WWOX: variants seen among roughly 807,000 people sequenced by gnomAD.
The protein encoded by WWOX is WW domain-containing oxidoreductase.
Under a neutral mutation model 46.2 loss-of-function variants are expected in WWOX, and 69 were observed. That is an observed-to-expected ratio of 1.49 (90% confidence interval 1.23 to 1.82). WWOX has a LOEUF of 1.82. WWOX is among the 40% of genes most tolerant of loss of function. The pLI, the probability that WWOX is intolerant of heterozygous loss-of-function variation, is 0.00. For synonymous variants in WWOX, 359 were observed against 202.6 expected (o/e 1.77, Z -6.56); for missense variants, 919 against 542.6 (o/e 1.69, Z -6.89).
intron 8 of WWOX, among the ~76,000 whole-genome samples, chr16:78,764,386 C>T (rs11643550): frequency 0.54 from 81,715 of 150,094 alleles, 25,526 homozygotes; most frequent in Non-Finnish European, 0.7. Flanking sequence ...TCCTCCAGGC[C>T]CACTTGGAGG....
intron 5 of WWOX, chr16:78,355,630 C>T (rs879036288): frequency 9.9e-5 from 59 of 597,408 alleles, no homozygotes; most frequent in Middle Eastern, 3.1e-4. Flanking sequence ...AAATGAGAAA[C>T]GACCGAGAGC....
intron 5 of WWOX, among the ~76,000 whole-genome samples, chr16:78,356,847 A>C (rs990161859): frequency 2.6e-5 from 4 of 152,168 alleles, no homozygotes; most frequent in Admixed American, 6.5e-5. Flanking sequence ...GCACCATTGC[A>C]CTCCAGCCTG....
chr16:79,041,909 A>G (rs142177640), intron 8 of WWOX, among the ~76,000 whole-genome samples: 158 of 152,098 alleles, frequency 1.0e-3, no homozygotes, highest in African/African-American at 3.5e-3. Flanking sequence ...GGAGCCCGGG[A>G]ACTGCTTTCT....
At chr16:79,158,475 A>G (rs187086643) in intron 8 of WWOX, among the ~76,000 whole-genome samples, 1 of 149,118 alleles carries the variant, frequency 6.7e-6, no homozygotes, top group African/African-American at 2.6e-5. Flanking sequence ...AAACCCCTTC[A>G]TGGCTTCCCA....
At chr16:78,394,117 AT>A (rs1253508830) in intron 6 of WWOX, among the ~76,000 whole-genome samples, 2 of 152,176 alleles carry the variant, frequency 1.3e-5, no homozygotes, top group African/African-American at 4.8e-5. Context: ...CAACGTGTAA[AT>A]TACATATTAA....
intron 8 of WWOX, among the ~76,000 whole-genome samples, chr16:78,546,929 T>C (rs2044046821): frequency 2.0e-5 from 3 of 151,674 alleles, no homozygotes. Flanking sequence ...GGGTTTCAGA[T>C]CAGTCTGGGC....
intron 8 of WWOX, among the ~76,000 whole-genome samples, chr16:78,823,817 C>G (rs796110682): frequency 6.6e-6 from 1 of 151,138 alleles, no homozygotes; most frequent in East Asian, 1.9e-4. Context: ...TGTTCTGTCT[C>G]CGAGCTAGAG....
intron 8 of WWOX, among the ~76,000 whole-genome samples, chr16:79,128,421 T>C (rs2049806312): frequency 6.6e-6 from 1 of 152,118 alleles, no homozygotes; most frequent in African/African-American, 2.4e-5. Flanking sequence ...ATTTGTCCTT[T>C]TAACACTTTC....
chr16:79,158,221 C>G lies in WWOX; in HGVS notation c.1057-53387C>G, dbSNP rs10153125. ...TGAGCAAAAAATTGGCCGGGAAGAA[C>G]TATTAAGGAGGAGATGATCAGAAAC... is the stretch of plus-strand genomic sequence containing the variant. On this transcript the variant is annotated intron_variant, in intron 8 of 8. Coordinates refer to ENST00000566780, the MANE Select transcript of WWOX (RefSeq NM_016373.4). 8.5e-3 allele frequency among the ~76,000 whole-genome samples: 1,291 copies of G among 151,906 alleles called. 11 individuals carry two copies. The highest frequency in any genetic ancestry group is 0.029 in the African/African-American group (1,220 of 41,372).
intron 4 of WWOX, among the ~76,000 whole-genome samples, chr16:78,162,481 A>G (rs893860513): frequency 1.3e-5 from 2 of 152,102 alleles, no homozygotes; most frequent in African/African-American, 4.8e-5. Flanking sequence ...AAATATATAT[A>G]TATATACAAA....
intron 4 of WWOX, among the ~76,000 whole-genome samples, chr16:78,120,120 G>A (rs1322267595): frequency 6.6e-6 from 1 of 151,856 alleles, no homozygotes; most frequent in Non-Finnish European, 1.5e-5. Context: ...ATTTTCTATT[G>A]GTACTTATGT....
At chr16:79,025,696 G>T (rs1370145722) in intron 8 of WWOX, among the ~76,000 whole-genome samples, 1 of 152,006 alleles carries the variant, frequency 6.6e-6, no homozygotes, top group African/African-American at 2.4e-5. Flanking sequence ...CCACACAGAT[G>T]CAGGAAACTA....
At chr16:78,870,058 A>G (rs1246117254) in intron 8 of WWOX, among the ~76,000 whole-genome samples, 1 of 152,180 alleles carries the variant, frequency 6.6e-6, no homozygotes, top group Non-Finnish European at 1.5e-5. Flanking sequence ...ACTACAAATC[A>G]TTGATCAAAG....
intron 5 of WWOX, among the ~76,000 whole-genome samples, chr16:78,322,351 T>A: frequency 6.6e-6 from 1 of 152,230 alleles, no homozygotes; most frequent in East Asian, 1.9e-4. Flanking sequence ...TGCATTGTTA[T>A]GTATTTCTGA....
At chr16:78,330,933 C>A (rs548483761) in intron 5 of WWOX, among the ~76,000 whole-genome samples, 1 of 152,164 alleles carries the variant, frequency 6.6e-6, no homozygotes, top group Admixed American at 6.5e-5. Flanking sequence ...TATTTTTAAA[C>A]ACAACCTCAT....
At chr16:78,788,843 A>C (rs909482798) in intron 8 of WWOX, among the ~76,000 whole-genome samples, 1 of 152,104 alleles carries the variant, frequency 6.6e-6, no homozygotes, top group Admixed American at 6.5e-5. Flanking sequence ...TGAGCCTCCA[A>C]CCTCCAACTA....
chr16:78,777,304 G>C (rs976674370), intron 8 of WWOX, among the ~76,000 whole-genome samples: 1 of 152,158 alleles, frequency 6.6e-6, no homozygotes, highest in Non-Finnish European at 1.5e-5. Context: ...TACAAAGAAA[G>C]GGAGGACTTT....
chr16:78,649,244 C>T (rs1044606985), intron 8 of WWOX, among the ~76,000 whole-genome samples: 1 of 152,178 alleles, frequency 6.6e-6, no homozygotes, highest in Non-Finnish European at 1.5e-5. Context: ...CTCGGACTTC[C>T]GAAGTGCTGG....
At position 78,099,682 on chromosome 16, in the gene WWOX, C is replaced by G. The variant is rs938637364; in HGVS notation, c.-97C>G. The G allele has an allele frequency of 1.4e-6, 2 of 1,429,854 alleles. No individual in the cohort carries two copies. The highest frequency in any genetic ancestry group is 1.5e-5 in the South Asian group (1 of 67,476). The allele number at this position is 1,429,854 out of a possible 1,614,324, so 88.6% of individuals were successfully genotyped here. A position where few individuals can be genotyped will look rare whatever the true frequency, so the allele number is the denominator to read the frequency against. ...GTGCGCAGGCGTGAGCGGTCGGGCC[C>G]CGACGCGCGCGGGTCTCGTTTGGAG... On this transcript the variant is annotated 5_prime_UTR_variant, in exon 1 of 9. Coordinates refer to ENST00000566780, the MANE Select transcript of WWOX (RefSeq NM_016373.4).
Sources: allele counts gnomAD v4.1 joint callset (sites outside exome capture counted in the v4.1 genomes callset), GRCh38; gene constraint gnomAD v4.1.1; transcripts MANE v1.5; gene names NCBI Gene and HGNC (gene_info 2026-07-23, HGNC 2026-07-21).